Variants in CELF2 observed in about 807,000 individuals in gnomAD.
CELF2 encodes CUGBP Elav-like family member 2.
In CELF2, 8 loss-of-function variants were observed where a neutral mutation model predicts 62.6. The ratio of observed to expected loss-of-function variants is 0.13; its 90% CI spans 0.07 to 0.23. The LOEUF is 0.23. Ranked by LOEUF, CELF2 falls within the 10% of genes least tolerant of loss-of-function variation. The pLI, the probability that CELF2 is intolerant of heterozygous loss-of-function variation, is 1.00. For missense variants in CELF2, 333 were observed against 671.0 expected, an observed-to-expected ratio of 0.50 and a Z score of 5.56; for synonymous variants, 258 against 250.0, an observed-to-expected ratio of 1.03 and a Z score of -0.30.
intron 5 of CELF2, among the ~76,000 whole-genome samples, chr10:11,265,331 G>A (rs1194551120): frequency 1.3e-5 from 2 of 152,158 alleles, no homozygotes; most frequent in African/African-American, 2.4e-5. Flanking sequence ...TCAGTGTTTA[G>A]ATCTGCTTCA....
In CELF2 at chr10:11,228,716, CGCAAAAAAAAAA is replaced by C. The variant is rs1268200684; in HGVS notation, c.354+11210_354+11221del. ...AATCACAACCCCCACCCGCGCCCCT[CGCAAAAAAAAAA>C]AAAAAAAAAAAAAAAAACTTGGAAC... On this transcript the variant is annotated intron_variant, in intron 3 of 12. Transcript: ENST00000633077. 2.0e-3 allele frequency among the ~76,000 whole-genome samples: 190 copies of C among 95,978 alleles called. 1 individual carries two copies. Among genetic ancestry groups the C allele is most frequent in the African/African-American group, 8.3e-3 (180 of 21,574 alleles). The allele number at this position is 95,978 out of a possible 152,430, so 63.0% of individuals were successfully genotyped here. A position where few individuals can be genotyped will look rare whatever the true frequency, so the allele number is the denominator to read the frequency against.
At chr10:10,986,824 A>G (rs1038703041) in intron 2 of CELF2, among the ~76,000 whole-genome samples, 2 of 152,184 alleles carry the variant, frequency 1.3e-5, no homozygotes, top group African/African-American at 2.4e-5. Context: ...CGTCAGCACT[A>G]CAAGGTCACG....
At chr10:11,019,774 T>A (rs750524099) in intron 1 of CELF2, among the ~76,000 whole-genome samples, 27 of 152,204 alleles carry the variant, frequency 1.8e-4, no homozygotes, top group Middle Eastern at 3.2e-3. Flanking sequence ...GATATTTGTT[T>A]TAAGAGACCT....
intron 3 of CELF2, 30 bp from the exon 4 acceptor site, chr10:11,249,123 G>C: frequency 1.3e-6 from 2 of 1,589,198 alleles, no homozygotes; most frequent in Non-Finnish European, 1.7e-6. Context: ...TGTTCAATCT[G>C]CCTTTACTTT....
intron 1 of CELF2, among the ~76,000 whole-genome samples, chr10:11,149,979 G>A (rs1488315457): frequency 6.6e-6 from 1 of 152,204 alleles, no homozygotes; most frequent in African/African-American, 2.4e-5. Flanking sequence ...CAGGGGAAAT[G>A]TGGTTTCCAA....
At chr10:10,595,170 G>A in the CELF2 span, among the ~76,000 whole-genome samples, 1 of 152,204 alleles carries the variant, frequency 6.6e-6, no homozygotes, top group Non-Finnish European at 1.5e-5. Context: ...ATCTTGCCAT[G>A]AAAATGTATG....
chr10:10,903,378 A>G, intron 1 of CELF2, among the ~76,000 whole-genome samples: 1 of 152,220 alleles, frequency 6.6e-6, no homozygotes. Flanking sequence ...TTGTTAGTAC[A>G]CATACCTCCT....
At chr10:10,919,072 A>G (rs2064621587) in intron 1 of CELF2, among the ~76,000 whole-genome samples, 2 of 152,106 alleles carry the variant, frequency 1.3e-5, no homozygotes, top group Non-Finnish European at 1.5e-5. Context: ...GGAGGTCGAG[A>G]CTAGCCTGGT....
the CELF2 span, among the ~76,000 whole-genome samples, chr10:10,764,033 G>T: frequency 6.6e-6 from 1 of 152,218 alleles, no homozygotes; most frequent in South Asian, 2.1e-4. Context: ...GACTAGCAGC[G>T]TTCCACGCTT....
At chr10:10,875,346 A>G (rs1314403744) in intron 1 of CELF2, among the ~76,000 whole-genome samples, 3 of 152,244 alleles carry the variant, frequency 2.0e-5, no homozygotes, top group African/African-American at 7.2e-5. Context: ...TGGTTCATCT[A>G]TCACTTTGTA....
chr10:11,070,344 C>A (rs999680314), intron 1 of CELF2, among the ~76,000 whole-genome samples: 7 of 152,110 alleles, frequency 4.6e-5, no homozygotes, highest in Non-Finnish European at 1.0e-4. Context: ...AGGATGCGGG[C>A]ACCCATGATC....
the CELF2 span, among the ~76,000 whole-genome samples, chr10:10,689,483 A>G: frequency 7.0e-6 from 1 of 142,558 alleles, no homozygotes; most frequent in African/African-American, 2.6e-5. Context: ...TTTGCAGTAT[A>G]TCAAATTAAA....
the CELF2 span, among the ~76,000 whole-genome samples, chr10:10,738,571 C>T: frequency 6.6e-6 from 1 of 152,166 alleles, no homozygotes. Flanking sequence ...TTCTTTCCAG[C>T]TTTATTGACC....
Position 11,328,855 on chromosome 10 carries a change from G to A in CELF2, c.1439-71G>A. 6.5e-7 allele frequency: 1 copy of A among 1,533,180 alleles called. No individual in the cohort carries two copies. The highest frequency in any genetic ancestry group is 8.8e-7 in the Non-Finnish European group (1 of 1,133,934). 95.0% of individuals were successfully genotyped at this position (1,533,180 alleles called of 1,614,324 possible). A position where few individuals can be genotyped will look rare whatever the true frequency, so the allele number is the denominator to read the frequency against. ...TGCTGGCTCTTCAGCCTTCCCCAGAGCTCCAGCCCCCTTTTCTGTTTTCTG... is the reference window on the plus strand; with the variant it reads ...TGCTGGCTCTTCAGCCTTCCCCAGAACTCCAGCCCCCTTTTCTGTTTTCTG... On this transcript the variant is annotated intron_variant, in intron 12 of 12. Coordinates refer to ENST00000633077, the MANE Select transcript of CELF2 (RefSeq NM_001326342.2). This position sits in a 1 kb window ranked among gnomAD's most constrained non-coding sequence, Gnocchi z 6.4.
intron 2 of CELF2, among the ~76,000 whole-genome samples, chr10:11,184,024 A>G (rs75321444): frequency 0.014 from 2,111 of 152,324 alleles, 48 homozygotes; most frequent in African/African-American, 0.047. Context: ...ATTTTCTTCT[A>G]GAAGTGTTAC....
intron 2 of CELF2, among the ~76,000 whole-genome samples, chr10:11,179,541 A>AT (rs1169147827): frequency 2.0e-5 from 3 of 152,060 alleles, no homozygotes; most frequent in African/African-American, 7.2e-5. Context: ...TAACTTACCC[A>AT]TTTTTACAGT....
rs2094882732 is a variant in CELF2, at chr10:11,315,360, T to G, written c.1096+1102T>G. 6.6e-6 allele frequency among the ~76,000 whole-genome samples: 1 copy of G among 152,150 alleles called. No homozygotes were observed. The highest frequency in any genetic ancestry group is 1.5e-5 in the Non-Finnish European group (1 of 68,024). ...AGTCCGTGACAGTTGTTGCCCTATT[T>G]TAAGCCATGGTTCAATAAGTGGACT... On this transcript the variant is annotated intron_variant, in intron 10 of 12. Coordinates refer to ENST00000633077, the MANE Select transcript of CELF2 (RefSeq NM_001326342.2). The surrounding 1 kb of genome is among the most constrained non-coding windows in gnomAD (Gnocchi z 5.8).
At chr10:10,815,245 C>G (rs1201820232) in intron 1 of CELF2, among the ~76,000 whole-genome samples, 2 of 152,166 alleles carry the variant, frequency 1.3e-5, no homozygotes, top group African/African-American at 2.4e-5. Context: ...CCCCTCTCTC[C>G]CCTTGTACAG....
chr10:10,689,892 T>C, the CELF2 span, among the ~76,000 whole-genome samples: 1 of 152,304 alleles, frequency 6.6e-6, no homozygotes, highest in South Asian at 2.1e-4. Flanking sequence ...AAACATGAAA[T>C]CCCACAGGAA....
Sources: gnomAD v4.1 joint callset for allele counts (sites outside exome capture counted in the v4.1 genomes callset) on GRCh38, gnomAD v4.1.1 for gene constraint, Gnocchi (gnomAD v3.1) non-coding constraint, MANE v1.5 for transcripts, NCBI Gene and HGNC (gene_info 2026-07-23, HGNC 2026-07-21) for gene names.